PRDM16: variants seen among roughly 807,000 people sequenced by gnomAD.
PRDM16 encodes the protein histone-lysine N-methyltransferase PRDM16.
In PRDM16, 23 loss-of-function variants were observed where a neutral mutation model predicts 110.6. The ratio of observed to expected loss-of-function variants is 0.21; its 90% CI spans 0.15 to 0.29. The LOEUF (loss-of-function observed/expected upper bound fraction) is 0.29, where lower values mean the gene tolerates loss of function less well. Ranked by LOEUF, PRDM16 falls within the 10% of genes least tolerant of loss-of-function variation. PRDM16 has a pLI of 1.00. For synonymous variants in PRDM16, 799 were observed against 781.8 expected (o/e 1.02, Z -0.37); for missense variants, 1,615 against 1,794.3 (o/e 0.90, Z 1.81).
At chr1:3,393,098 C>T (rs1334659058) in intron 4 of PRDM16, among the ~76,000 whole-genome samples, 1 of 152,198 alleles carries the variant, frequency 6.6e-6, no homozygotes, top group Non-Finnish European at 1.5e-5. Flanking sequence ...CATTTATTGG[C>T]GCTAGTAAAC....
intron 3 of PRDM16, among the ~76,000 whole-genome samples, chr1:3,276,137 C>G (rs1441015979): frequency 6.6e-6 from 1 of 152,256 alleles, no homozygotes; most frequent in South Asian, 2.1e-4. Context: ...GAGAAACCAA[C>G]TGGAAAGCTG....
In PRDM16 at chr1:3,126,257, C is replaced by A. The variant is rs377183056; in HGVS notation, c.37+56961C>A. On this transcript the variant is annotated intron_variant, in intron 1 of 16. Coordinates refer to ENST00000270722, the MANE Select transcript of PRDM16 (RefSeq NM_022114.4). ...AGCTCTCGCCGCCGCCGCACGCGGC[C>A]AGCCTGGCTGTGCCTGGGAACAGTG... Among the ~76,000 whole-genome samples, 12 of 152,318 alleles carry A rather than the reference C, an allele frequency of 7.9e-5. No homozygotes were observed. The East Asian group carries it at 1.2e-3, about 15-fold the overall frequency.
At chr1:3,178,341 G>A (rs946226113) in intron 1 of PRDM16, among the ~76,000 whole-genome samples, 1 of 152,088 alleles carries the variant, frequency 6.6e-6, no homozygotes, top group Non-Finnish European at 1.5e-5. Flanking sequence ...CCTCCCTCCC[G>A]CAGGCTTCCG....
intron 3 of PRDM16, among the ~76,000 whole-genome samples, chr1:3,326,146 C>T (rs1018247247): frequency 6.7e-6 from 1 of 148,774 alleles, no homozygotes; most frequent in African/African-American, 2.5e-5. Flanking sequence ...CCATCCTTGG[C>T]CCTCGTTGGC....
intron 1 of PRDM16, among the ~76,000 whole-genome samples, chr1:3,134,555 T>A (rs12028226): frequency 0.12 from 17,679 of 152,188 alleles, 1,552 homozygotes; most frequent in East Asian, 0.24. Flanking sequence ...TGCTTAGACC[T>A]ACTCCGAGGG....
chr1:3,291,233 C>T (rs1640967296), intron 3 of PRDM16, among the ~76,000 whole-genome samples: 3 of 152,122 alleles, frequency 2.0e-5, no homozygotes, highest in Admixed American at 6.5e-5. Context: ...GAGAGCCAGG[C>T]CCAGGAGACC....
chr1:3,299,594 G>A (rs370386164), intron 3 of PRDM16, among the ~76,000 whole-genome samples: 15 of 90,142 alleles, frequency 1.7e-4, no homozygotes, highest in East Asian at 8.5e-4. Context: ...TGAAGATGCC[G>A]TGCTGTGGCT....
chr1:3,217,255 G>A (rs531875646), intron 2 of PRDM16, among the ~76,000 whole-genome samples: 56 of 152,354 alleles, frequency 3.7e-4, no homozygotes, highest in African/African-American at 1.2e-3. Context: ...GGCGGCTGGC[G>A]TCCAGCTCCT....
chr1:3,152,365 C>CATCCATCCATCCATTT lies in PRDM16; in HGVS notation c.38-33746_38-33745insTTATCCATCCATCCAT, dbSNP rs1553134701. Among the ~76,000 whole-genome samples the CATCCATCCATCCATTT allele has an allele frequency of 5.8e-3, 861 of 149,034 alleles. 9 individuals carry two copies. Among genetic ancestry groups the CATCCATCCATCCATTT allele is most frequent in the Non-Finnish European group, 7.6e-3 (512 of 67,786 alleles). On this transcript the variant is annotated intron_variant, in intron 1 of 16. Coordinates refer to ENST00000270722, the MANE Select transcript of PRDM16 (RefSeq NM_022114.4). ...CTATGCATTCATCCATCCATCCATC[C>CATCCATCCATCCATTT]ATCCATCCATCCATCCATTTATCCA...
At chr1:3,295,791 G>A (rs1641076931) in intron 3 of PRDM16, among the ~76,000 whole-genome samples, 1 of 152,164 alleles carries the variant, frequency 6.6e-6, no homozygotes, top group South Asian at 2.1e-4. Context: ...CACCACGCGT[G>A]CAGCCTGAGG....
chr1:3,365,953 T>C (rs867022815), intron 3 of PRDM16, among the ~76,000 whole-genome samples: 3 of 141,312 alleles, frequency 2.1e-5, no homozygotes, highest in Admixed American at 6.9e-5. Context: ...CGCACACGCA[T>C]GCACACATGC....
rs1171936047 is a variant in PRDM16, at chr1:3,269,827, GGACAGTCCCAGAGGAT to G, written c.438+25693_438+25708del. Among the ~76,000 whole-genome samples, 38 of 94,328 alleles carry G rather than the reference GGACAGTCCCAGAGGAT, an allele frequency of 4.0e-4. 3 individuals are homozygous for G. The highest frequency in any genetic ancestry group is 3.5e-3 in the Admixed American group (28 of 7,946). The allele number at this position is 94,328 out of a possible 152,430, so 61.9% of individuals were successfully genotyped here. A position where few individuals can be genotyped will look rare whatever the true frequency, so the allele number is the denominator to read the frequency against. On this transcript the variant is annotated intron_variant, in intron 3 of 16. Transcript: ENST00000270722. ...CAGTCCCAGAGAATGACAGGGAGGA[GGACAGTCCCAGAGGAT>G]GAAAGTCCCAGAGGAGGAAAGTCCC... is the stretch of plus-strand genomic sequence containing the variant.
chr1:3,231,915 G>A (rs557468910), intron 2 of PRDM16, among the ~76,000 whole-genome samples: 4 of 152,344 alleles, frequency 2.6e-5, no homozygotes, highest in South Asian at 4.1e-4. Flanking sequence ...TTGCATGGAC[G>A]TTGCAAGACT....
chr1:3,272,502 G>A (rs534502363), intron 3 of PRDM16, among the ~76,000 whole-genome samples: 60 of 152,234 alleles, frequency 3.9e-4, no homozygotes, highest in African/African-American at 1.4e-3. Flanking sequence ...CCGGGACCTC[G>A]GGGAGGCTCG....
At chr1:3,228,801 A>G (rs1639346626) in intron 2 of PRDM16, among the ~76,000 whole-genome samples, 1 of 152,040 alleles carries the variant, frequency 6.6e-6, no homozygotes, top group Non-Finnish European at 1.5e-5. Flanking sequence ...GCCTCCTGCC[A>G]TGGGGTCTCC....
At chr1:3,316,805 A>G (rs142639624) in intron 3 of PRDM16, among the ~76,000 whole-genome samples, 28 of 152,338 alleles carry the variant, frequency 1.8e-4, no homozygotes, top group African/African-American at 5.8e-4. Flanking sequence ...ACCAGGAAAC[A>G]GTGACACAGG....
At chr1:3,212,951 C>T (rs1037573300) in intron 2 of PRDM16, among the ~76,000 whole-genome samples, 4 of 152,168 alleles carry the variant, frequency 2.6e-5, no homozygotes, top group African/African-American at 9.7e-5. Context: ...TCCCCAGGTA[C>T]TCGTTTAAGA....
At chr1:3,076,788 TCCCTG>T (rs989028231) in intron 1 of PRDM16, among the ~76,000 whole-genome samples, 1 of 152,232 alleles carries the variant, frequency 6.6e-6, no homozygotes, top group Admixed American at 6.5e-5. Flanking sequence ...TAAGGACTAT[TCCCTG>T]TCCCTCCTTA....
At chr1:3,184,455 G>A (rs1180463548) in intron 1 of PRDM16, among the ~76,000 whole-genome samples, 2 of 152,166 alleles carry the variant, frequency 1.3e-5, no homozygotes, top group Admixed American at 6.5e-5. Context: ...ACGGGTCCTC[G>A]AGGCAGCCAC....
Sources: allele counts gnomAD v4.1 joint callset (sites outside exome capture counted in the v4.1 genomes callset), GRCh38; gene constraint gnomAD v4.1.1; transcripts MANE v1.5; gene names NCBI Gene and HGNC (gene_info 2026-07-23, HGNC 2026-07-21).